Variants in PAK3 observed in about 807,000 individuals in gnomAD.
PAK3 encodes p21 (RAC1) activated kinase 3, also known as serine/threonine-protein kinase PAK 3.
PAK3 carries 4 observed loss-of-function variants against 41.0 expected under a neutral mutation model. The ratio of observed to expected loss-of-function variants is 0.10; its 90% CI spans 0.05 to 0.22. The LOEUF is 0.22. Ranked by LOEUF, PAK3 falls within the 10% of genes least tolerant of loss-of-function variation. The pLI is 1.00. For synonymous variants in PAK3, 146 were observed against 139.6 expected (o/e 1.05, Z -0.32); for missense variants, 205 against 409.9 (o/e 0.50, Z 4.32).
At position 111,226,827 on chromosome X, in the gene PAK3, A is replaced by G. The variant is rs760121340; in HGVS notation, c.*6380A>G. The G allele has an allele frequency of 9.0e-6, 1 of 111,716 alleles. No individual in the cohort carries two copies. The highest frequency in any genetic ancestry group is 3.3e-5 in the African/African-American group (1 of 30,727). 9.2% of individuals were successfully genotyped at this position (111,716 alleles called of 1,213,427 possible). A position where few individuals can be genotyped will look rare whatever the true frequency, so the allele number is the denominator to read the frequency against. On this transcript the variant is annotated 3_prime_UTR_variant, in exon 18 of 18. Transcript: ENST00000372007. ...TGTGCTTTATGGACCCGCAAATACC[A>G]TATTCATTATTGATGATAAGATCTT...
At chrX:111,123,383 C>A in intron 5 of PAK3, 105 bp downstream of exon 5, 2 of 672,218 alleles carry the variant, frequency 3.0e-6, no homozygotes, top group African/African-American at 2.2e-5. Context: ...TCAGGGCCTG[C>A]CGGCCCTTTA....
intron 3 of PAK3, among the ~76,000 whole-genome samples, chrX:111,101,610 ATGGGCAGGGGGCTTC>A (rs1312645774): frequency 6.3e-5 from 7 of 111,890 alleles, no homozygotes; most frequent in African/African-American, 2.0e-4. Context: ...ATCCCCAGAG[ATGGGCAGGGGGCTTC>A]TTGAGGCCAT....
Position 111,220,945 on chromosome X carries a change from C to CAAAAAAAAAAAAAAAAAAAAAAAAAAGA in PAK3, c.*515_*516insAAAAAAAAAGAAAAAAAAAAAAAAAAAA. The CAAAAAAAAAAAAAAAAAAAAAAAAAAGA allele has an allele frequency of 8.1e-5, 4 of 49,444 alleles. No individual in the cohort carries two copies. The highest frequency in any genetic ancestry group is 8.5e-5 in the African/African-American group (1 of 11,723). 4.1% of individuals were successfully genotyped at this position (49,444 alleles called of 1,213,427 possible). A position where few individuals can be genotyped will look rare whatever the true frequency, so the allele number is the denominator to read the frequency against. On this transcript the variant is annotated 3_prime_UTR_variant, in exon 18 of 18. Transcript: ENST00000372007. ...AAAAAAGAAAGCAAAAAAAGCAAGG[C>CAAAAAAAAAAAAAAAAAAAAAAAAAAGA]AAAAAAAAAAAAAAAAACAAACAAA...
At chrX:111,128,360 A>G (rs1317661714) in intron 5 of PAK3, among the ~76,000 whole-genome samples, 1 of 112,241 alleles carries the variant, frequency 8.9e-6, no homozygotes, top group Non-Finnish European at 1.9e-5. Context: ...GAATCATTGT[A>G]TATAAATCAA....
At chrX:110,957,537 G>C (rs1192396641) in intron 1 of PAK3, among the ~76,000 whole-genome samples, 1 of 112,076 alleles carries the variant, frequency 8.9e-6, no homozygotes, top group Non-Finnish European at 1.9e-5. Context: ...ACTTTTACAA[G>C]TCCTTCCTCA....
chrX:110,979,296 C>CTT (rs869275249), intron 1 of PAK3, among the ~76,000 whole-genome samples: 9 of 9,054 alleles, frequency 9.9e-4, no homozygotes, highest in African/African-American at 1.5e-3. Context: ...TATTACTTTT[C>CTT]TTTTTTTTTT....
intron 7 of PAK3, among the ~76,000 whole-genome samples, chrX:111,148,638 G>C (rs1043831380): frequency 9.0e-6 from 1 of 111,354 alleles, no homozygotes; most frequent in Non-Finnish European, 1.9e-5. Context: ...GATAATATGT[G>C]AAGGAAAAAA....
chrX:110,983,526 C>CTG (rs1172262365), intron 1 of PAK3, among the ~76,000 whole-genome samples: 2 of 26,467 alleles, frequency 7.6e-5, no homozygotes, highest in Non-Finnish European at 9.0e-5. Context: ...GTGTGTATGT[C>CTG]TGCGTGTGTG....
At chrX:110,983,332 G>A (rs913959650) in intron 1 of PAK3, among the ~76,000 whole-genome samples, 2 of 111,032 alleles carry the variant, frequency 1.8e-5, no homozygotes, top group Non-Finnish European at 3.8e-5. Context: ...GAGGGTTTGG[G>A]TAGAGTGATG....
At position 111,069,555 on chromosome X, in the gene PAK3, G is replaced by A. The variant is rs765589624; in HGVS notation, c.-27-53522G>A. Among the ~76,000 whole-genome samples the A allele has an allele frequency of 5.4e-4, 60 of 110,212 alleles. 1 individual carries two copies. Among genetic ancestry groups the A allele is most frequent in the Non-Finnish European group, 1.9e-4 (10 of 52,808 alleles). ...ACAAAATATGTATTTGTCTTGCTTA[G>A]CAGTCTAGATGAATGCTTCATCTCC... On this transcript the variant is annotated intron_variant, in intron 1 of 14. Transcript: ENST00000425146.
chrX:111,184,953 T>C (rs1282435324), intron 11 of PAK3, among the ~76,000 whole-genome samples: 3 of 111,745 alleles, frequency 2.7e-5, no homozygotes, highest in African/African-American at 9.8e-5. Flanking sequence ...TTTCTGGTTC[T>C]AGACCCTTGA....
upstream of PAK3, among the ~76,000 whole-genome samples, chrX:111,095,026 C>A (rs1293504337): frequency 9.0e-6 from 1 of 111,094 alleles, no homozygotes; most frequent in East Asian, 2.8e-4. Context: ...CTAAAAGGAC[C>A]TGGGCAGATA....
In PAK3 at chrX:111,136,713, G is replaced by C. The variant is rs185438634; in HGVS notation, c.176-5383G>C. Among the ~76,000 whole-genome samples, 662 of 111,874 alleles carry C rather than the reference G, an allele frequency of 5.9e-3. 7 individuals are homozygous for C. Among genetic ancestry groups the C allele is most frequent in the African/African-American group, 0.021 (641 of 30,786 alleles). On this transcript the variant is annotated intron_variant, in intron 5 of 17. Coordinates refer to ENST00000372007, the MANE Select transcript of PAK3 (RefSeq NM_002578.5). ...CTGAGCTCAGAGAATGAGATAACAA[G>C]GTTGAATATTGCAGAGAAAGGGTTA...
In PAK3 at chrX:111,021,402, A is replaced by G. The variant is rs905116200; in HGVS notation, c.-28+76774A>G. On this transcript the variant is annotated intron_variant, in intron 1 of 14. Transcript: ENST00000425146. ...CTCCCCAGTACCAGTCTGGAGCCCA[A>G]TAGCTCCACTGGGTGGCTAGACCCA... Among the ~76,000 whole-genome samples, 8 of 112,147 alleles carry G rather than the reference A, an allele frequency of 7.1e-5. No homozygotes were observed. The South Asian group carries it at 1.5e-3, about 21-fold the overall frequency.
intron 4 of PAK3, among the ~76,000 whole-genome samples, chrX:111,119,799 G>T (rs1209373514): frequency 1.8e-5 from 2 of 112,256 alleles, no homozygotes; most frequent in Non-Finnish European, 3.8e-5. Flanking sequence ...TAACCACAAG[G>T]ATTCCTTGCA....
At chrX:111,163,460 A>C in intron 9 of PAK3, 102 bp from the exon 10 acceptor site, 2 of 629,410 alleles carry the variant, frequency 3.2e-6, no homozygotes, top group South Asian at 4.9e-5. Flanking sequence ...TTTTTAAGAA[A>C]ATACCACTTG....
chrX:111,055,114 C>A (rs1401032508), intron 1 of PAK3, among the ~76,000 whole-genome samples: 2 of 111,979 alleles, frequency 1.8e-5, no homozygotes, highest in Admixed American at 9.4e-5. Flanking sequence ...GACCACACTA[C>A]CATTCCCTAT....
chrX:111,044,922 A>G (rs769248899), intron 1 of PAK3, among the ~76,000 whole-genome samples: 1 of 112,000 alleles, frequency 8.9e-6, no homozygotes, highest in Non-Finnish European at 1.9e-5. Context: ...GGGTTGGCAT[A>G]AGAAACTCAG....
At chrX:110,997,616 C>G (rs2091763581) in intron 1 of PAK3, among the ~76,000 whole-genome samples, 1 of 111,659 alleles carries the variant, frequency 9.0e-6, no homozygotes, top group Non-Finnish European at 1.9e-5. Flanking sequence ...TGCTATTTAC[C>G]TGAGATGGGA....
Sources: gnomAD v4.1 joint callset for allele counts (sites outside exome capture counted in the v4.1 genomes callset) on GRCh38, gnomAD v4.1.1 for gene constraint, MANE v1.5 for transcripts, NCBI Gene and HGNC (gene_info 2026-07-23, HGNC 2026-07-21) for gene names.